Variants in POLR3A observed in about 807,000 individuals in gnomAD.
POLR3A encodes the protein DNA-directed RNA polymerase III subunit RPC1.
POLR3A carries 112 observed loss-of-function variants against 152.8 expected under a neutral mutation model. The observed-to-expected ratio is 0.73, with a 90% confidence interval of 0.63 to 0.86. The LOEUF is 0.86. Among genes scored for constraint, POLR3A ranks in the 40% least tolerant of loss-of-function variants. POLR3A has a pLI of 0.00. For synonymous variants in POLR3A, 615 were observed against 652.1 expected (o/e 0.94, Z 0.87); for missense variants, 1,385 against 1,743.1 (o/e 0.79, Z 3.66).
Position 78,000,980 on chromosome 10 carries a change from G to A in POLR3A, c.2474C>T (p.Ser825Leu). The A allele has an allele frequency of 1.3e-6, 2 of 1,529,948 alleles. No individual in the cohort carries two copies. Among genetic ancestry groups the A allele is most frequent in the Non-Finnish European group, 9.0e-7 (1 of 1,106,786 alleles). 94.8% of individuals were successfully genotyped at this position (1,529,948 alleles called of 1,614,324 possible). Reference sequence around the variant, plus strand: ...ACCTGATCTGCTACTGCTTACCTTTGAGTGTTTTTCAAAATGAGGCAAGGA... The same window carrying A: ...ACCTGATCTGCTACTGCTTACCTTTAAGTGTTTTTCAAAATGAGGCAAGGA... ...NRSLPHFEKH[S>L]KLPAAKGFVA... The change falls in exon 18 of 31, where the codon TCA becomes TTA. Residue 825 changes from serine to leucine, a missense_variant. Around this residue, in one of 7 missense-constraint regions of POLR3A, gnomAD observed 170 missense variants for 231.2 expected, o/e 0.74. Transcript: ENST00000372371.
intron 13 of POLR3A, 79 bp from the exon 14 acceptor site, chr10:78,009,754 C>G: frequency 6.2e-7 from 1 of 1,612,246 alleles, no homozygotes; most frequent in Non-Finnish European, 8.5e-7. Flanking sequence ...GCCAGGCGGC[C>G]TAGGGACTGC....
At chr10:77,984,106 G>T in intron 25 of POLR3A, 94 bp from the exon 26 acceptor site, 1 of 1,212,386 alleles carries the variant, frequency 8.2e-7, no homozygotes, top group Non-Finnish European at 1.2e-6. Flanking sequence ...TGAGTAGTGT[G>T]GACGCCACAG....
rs529709333 is a variant in POLR3A at position 77,981,612 on chromosome 10, A to G, written c.3760-53T>C. ...CAGCCCCTTCCGGGAGGCCACTGCA[A>G]ATTCTCTCCACTTTCTCCTCTGCCC... On this transcript the variant is annotated intron_variant, in intron 28 of 30. Transcript: ENST00000372371. 4.4e-6 allele frequency: 7 copies of G among 1,600,324 alleles called. No homozygotes were observed. The South Asian group carries it at 7.7e-5, about 18-fold the overall frequency.
In POLR3A at chr10:78,007,818, C is replaced by G; in HGVS notation, c.1958G>C (p.Gly653Ala). 6.2e-7 allele frequency: 1 copy of G among 1,613,794 alleles called. No individual in the cohort carries two copies. The highest frequency in any genetic ancestry group is 8.5e-7 in the Non-Finnish European group (1 of 1,179,746). The change falls in exon 15 of 31, where the codon GGA becomes GCA. Residue 653 changes from glycine to alanine, a missense_variant. Around this residue, in one of 7 missense-constraint regions of POLR3A, gnomAD observed 188 missense variants for 179.9 expected, o/e 1.04. Coordinates refer to ENST00000372371, the MANE Select transcript of POLR3A (RefSeq NM_007055.4). ...SELMSGSMDKGTLGSGSKNNI... is the reference protein window; with the variant it reads ...SELMSGSMDKATLGSGSKNNI... The stretch of plus-strand genomic sequence containing the variant: ...GTTCTTGGATCCTGACCCTAGGGTT[C>G]CTTTGTCCATGCTGCCACTCATCAA...
intron 21 of POLR3A, among the ~76,000 whole-genome samples, chr10:77,988,250 G>A (rs1241123740): frequency 1.3e-5 from 2 of 152,156 alleles, no homozygotes; most frequent in Non-Finnish European, 2.9e-5. Flanking sequence ...AGCTGGGTGC[G>A]GTAGCTCATG....
chr10:78,016,975 A>C (rs901239101), intron 10 of POLR3A, among the ~76,000 whole-genome samples: 1 of 152,072 alleles, frequency 6.6e-6, no homozygotes, highest in African/African-American at 2.4e-5. Context: ...CATGCTAGTC[A>C]CTTTCAATTA....
intron 1 of POLR3A, among the ~76,000 whole-genome samples, chr10:78,028,866 C>T (rs556360062): frequency 2.6e-5 from 4 of 152,110 alleles, no homozygotes; most frequent in African/African-American, 9.6e-5. Context: ...TTTCTGAAGG[C>T]AAAAGTCCGG....
At chr10:77,998,728 T>C (rs1847326826) in intron 19 of POLR3A, among the ~76,000 whole-genome samples, 1 of 152,240 alleles carries the variant, frequency 6.6e-6, no homozygotes, top group Non-Finnish European at 1.5e-5. Context: ...TCAACCATTG[T>C]GGAAGTCAGT....
chr10:77,999,172 G>GGATA (rs993312315), intron 19 of POLR3A, among the ~76,000 whole-genome samples: 2 of 152,074 alleles, frequency 1.3e-5, no homozygotes, highest in African/African-American at 4.8e-5. Context: ...GAGCGGGGAG[G>GGATA]GATAGCATTA....
At position 77,977,267 on chromosome 10, in the gene POLR3A, TC is replaced by T. The variant is rs1235127255; in HGVS notation, c.*210del. ...AAGCAAACAATAAAACCCTCAGCTC[TC>T]CCGAGCAGCGTGGCACAGTCAGGGT... is the stretch of plus-strand genomic sequence containing the variant. On this transcript the variant is annotated 3_prime_UTR_variant, in exon 31 of 31. Coordinates refer to ENST00000372371, the MANE Select transcript of POLR3A (RefSeq NM_007055.4). 1.5e-5 allele frequency: 9 copies of T among 607,186 alleles called. No homozygotes were observed. The highest frequency in any genetic ancestry group is 1.1e-4 in the East Asian group (4 of 35,608). 37.6% of individuals were successfully genotyped at this position (607,186 alleles called of 1,614,324 possible). A position where few individuals can be genotyped will look rare whatever the true frequency, so the allele number is the denominator to read the frequency against.
At chr10:78,015,190 G>T (rs1029513508) in intron 10 of POLR3A, among the ~76,000 whole-genome samples, 2 of 152,174 alleles carry the variant, frequency 1.3e-5, no homozygotes, top group African/African-American at 4.8e-5. Context: ...ATTGAAAAAT[G>T]ACACAGATAT....
chr10:77,984,107 G>T, intron 25 of POLR3A, 95 bp from the exon 26 acceptor site: 1 of 1,217,230 alleles, frequency 8.2e-7, no homozygotes, highest in East Asian at 2.3e-5. Context: ...GAGTAGTGTG[G>T]ACGCCACAGG....
chr10:78,008,752 G>A (rs1326911143), intron 14 of POLR3A, among the ~76,000 whole-genome samples: 1 of 151,730 alleles, frequency 6.6e-6, no homozygotes, highest in Non-Finnish European at 1.5e-5. Context: ...GCTCACACCT[G>A]TAATCCCAGC....
intron 1 of POLR3A, among the ~76,000 whole-genome samples, chr10:78,028,527 T>C (rs1392044767): frequency 6.6e-6 from 1 of 152,050 alleles, no homozygotes; most frequent in Non-Finnish European, 1.5e-5. Context: ...ACTTTTTTTT[T>C]TGAGACACCG....
intron 15 of POLR3A, among the ~76,000 whole-genome samples, chr10:78,006,290 G>T (rs1385323260): frequency 2.0e-5 from 3 of 151,332 alleles, no homozygotes; most frequent in African/African-American, 7.3e-5. Context: ...CCAGTTACTC[G>T]GGAGGCTGTG....
At chr10:78,016,617 G>A (rs1589315968) in intron 10 of POLR3A, among the ~76,000 whole-genome samples, 1 of 151,752 alleles carries the variant, frequency 6.6e-6, no homozygotes, top group South Asian at 2.1e-4. Context: ...GAGAGGCTAA[G>A]GCAGGAGACT....
At chr10:77,996,704 T>A in intron 19 of POLR3A, among the ~76,000 whole-genome samples, 1 of 152,016 alleles carries the variant, frequency 6.6e-6, no homozygotes, top group Non-Finnish European at 1.5e-5. Context: ...CAGGACCAGA[T>A]GGATTCACAG....
chr10:78,013,572 T>C, intron 11 of POLR3A, 78 bp downstream of exon 11: 1 of 1,434,262 alleles, frequency 7.0e-7, no homozygotes, highest in Admixed American at 1.7e-5. Context: ...TTAGTTGTGG[T>C]GGTGTTTTCA....
Position 77,985,354 on chromosome 10 carries a change from G to A in POLR3A, c.3072-14C>T, listed in dbSNP as rs979948799. ...TCCATCTGTGCCCTAGAAGGCAAAG[G>A]TATGGATGAGATTGCAGCATGCCAA... On this transcript the variant is annotated splice_polypyrimidine_tract_variant and intron_variant, in intron 23 of 30. Coordinates refer to ENST00000372371, the MANE Select transcript of POLR3A (RefSeq NM_007055.4). The A allele has an allele frequency of 2.5e-6, 4 of 1,610,754 alleles. No individual in the cohort carries two copies. The African/African-American group carries it at 4.0e-5, about 16-fold the overall frequency.
Sources: gnomAD v4.1 joint callset for allele counts (sites outside exome capture counted in the v4.1 genomes callset) on GRCh38, gnomAD v4.1.1 for gene constraint, gnomAD v4.1.1 regional missense constraint, MANE v1.5 for transcripts, NCBI Gene and HGNC (gene_info 2026-07-23, HGNC 2026-07-21) for gene names.